The following PLXDC1 variants were observed in gnomAD, a reference collection of about 807,000 sequenced individuals.
The protein encoded by PLXDC1 is plexin domain containing 1.
A neutral mutation model predicts 61.3 loss-of-function variants in PLXDC1; 39 were observed. The observed-to-expected ratio is 0.64, with a 90% CI of 0.49 to 0.83. The LOEUF (loss-of-function observed/expected upper bound fraction) is 0.83. Among genes scored for constraint, PLXDC1 ranks in the 40% least tolerant of loss-of-function variants. The pLI is 0.00. For missense variants in PLXDC1, 596 were observed against 666.5 expected (o/e 0.89, Z 1.17); for synonymous variants, 212 against 254.5 (o/e 0.83, Z 1.59).
intron 2 of PLXDC1, among the ~76,000 whole-genome samples, chr17:39,114,831 G>A (rs923008819): frequency 6.6e-6 from 1 of 152,192 alleles, no homozygotes; most frequent in African/African-American, 2.4e-5. Context: ...TTTGAGGCTC[G>A]GAGAAAGGTC....
At chr17:39,147,090 G>T (rs1489784535) in intron 1 of PLXDC1, among the ~76,000 whole-genome samples, 2 of 151,288 alleles carry the variant, frequency 1.3e-5, no homozygotes, top group African/African-American at 4.9e-5. Flanking sequence ...CAAGTAGCTG[G>T]GATTACAGGC....
chr17:39,063,614 T>C lies in PLXDC1; in HGVS notation c.*4226A>G, dbSNP rs1334108766. 3.1e-6 allele frequency: 2 copies of C among 635,618 alleles called. No homozygotes were observed. The highest frequency in any genetic ancestry group is 2.7e-5 in the Admixed American group (1 of 36,906). 39.4% of individuals were successfully genotyped at this position (635,618 alleles called of 1,614,324 possible). A position where few individuals can be genotyped will look rare whatever the true frequency, so the allele number is the denominator to read the frequency against. ...ACTTTCTTTTGCACACAGCAGGAGT[T>C]GTAAAAGAATGCTTCCTTTTATTAT... On this transcript the variant is annotated 3_prime_UTR_variant, in exon 14 of 14. Transcript: ENST00000315392.
chr17:39,070,105 G>A, intron 12 of PLXDC1, 89 bp from the exon 13 acceptor site: 1 of 959,590 alleles, frequency 1.0e-6, no homozygotes, highest in Non-Finnish European at 1.6e-6. Flanking sequence ...AAGTCTCAGA[G>A]ATGAAAGCCG....
chr17:39,107,469 C>G lies in PLXDC1; in HGVS notation c.649G>C (p.Gly217Arg). ...HVYLQGWEDK[G>R]SFTFQAALHH... ...AGAGCTGCCTGGAAGGTGAAACTGC[C>G]CTTGTCTTCCCAGCCTTGGAGATAA... Residue 217 changes from glycine (G) to arginine (R), a missense_variant, in exon 6 of 14, where the codon GGC (glycine) becomes CGC (arginine). Coordinates refer to ENST00000315392, the MANE Select transcript of PLXDC1 (RefSeq NM_020405.5). 1.2e-6 allele frequency: 2 copies of G among 1,614,090 alleles called. No homozygotes were observed. The highest frequency in any genetic ancestry group is 3.3e-5 in the Admixed American group (2 of 60,018).
chr17:39,128,088 T>TATGTATATATATATATATATATATATA (rs1213213801), intron 2 of PLXDC1, among the ~76,000 whole-genome samples: 1 of 104,674 alleles, frequency 9.6e-6, no homozygotes, highest in South Asian at 3.0e-4. Context: ...TCTCTCTCTC[T>TATGTATATATATATATATATATATATA]CTCTATGTGT....
At chr17:39,088,471 T>C (rs949051378) in intron 7 of PLXDC1, among the ~76,000 whole-genome samples, 13 of 152,166 alleles carry the variant, frequency 8.5e-5, no homozygotes, top group African/African-American at 2.9e-4. Flanking sequence ...GTTTCTTGTC[T>C]GTGGAGTGGA....
intron 7 of PLXDC1, among the ~76,000 whole-genome samples, chr17:39,095,367 G>GCCCCCA (rs1555571240): frequency 0.016 from 122 of 7,526 alleles, 1 homozygote; most frequent in East Asian, 0.019. Context: ...CTTACGCCCC[G>GCCCCCA]CCCCCCCCCC....
Position 39,083,466 on chromosome 17 carries a change from G to A in PLXDC1, c.982C>T (p.Leu328Phe). 2 of 1,613,586 alleles carry A rather than the reference G, an allele frequency of 1.2e-6. No homozygotes were observed. The highest frequency in any genetic ancestry group is 1.1e-5 in the South Asian group (1 of 90,970). ...GTAACCCTGGGCACAAACCTCTGGA[G>A]GACATGGCACCAGCTGCAGTTGAAG... ...LTFNCSWCHV[L>F]QRCSSGFDRY... The change falls in exon 9 of 14, where the codon CTC becomes TTC. Residue 328 changes from leucine (L) to phenylalanine (F), a missense_variant. Leu to Phe is a conservative substitution (Grantham distance 22). Coordinates refer to ENST00000315392, the MANE Select transcript of PLXDC1 (RefSeq NM_020405.5).
intron 1 of PLXDC1, among the ~76,000 whole-genome samples, chr17:39,142,508 C>T (rs531728): frequency 0.084 from 12,823 of 152,186 alleles, 619 homozygotes; most frequent in East Asian, 0.13. Context: ...CTCTCCAGTT[C>T]CCTCTAGGTT....
At chr17:39,140,319 T>TTTCTTTTTTTC (rs1251219256) in intron 1 of PLXDC1, among the ~76,000 whole-genome samples, 2 of 152,220 alleles carry the variant, frequency 1.3e-5, no homozygotes, top group East Asian at 3.9e-4. Flanking sequence ...TCTTTTTCTT[T>TTTCTTTTTTTC]TTTTGAAATG....
intron 1 of PLXDC1, among the ~76,000 whole-genome samples, chr17:39,141,327 G>T (rs899624476): frequency 6.6e-6 from 1 of 152,148 alleles, no homozygotes; most frequent in Admixed American, 6.5e-5. Flanking sequence ...GCCACAGCGC[G>T]CAGCCTGTAT....
intron 11 of PLXDC1, chr17:39,073,108 G>A (rs1346053028): frequency 6.5e-6 from 1 of 154,230 alleles, no homozygotes. Context: ...GAGTGCAGTG[G>A]TACAATCACA....
chr17:39,074,099 C>T (rs1909231763), intron 11 of PLXDC1, among the ~76,000 whole-genome samples: 1 of 152,164 alleles, frequency 6.6e-6, no homozygotes, highest in African/African-American at 2.4e-5. Flanking sequence ...CTATCCCACA[C>T]CTGCCTCTGC....
chr17:39,103,193 C>T (rs11651249), intron 7 of PLXDC1, among the ~76,000 whole-genome samples: 2 of 148,640 alleles, frequency 1.3e-5, no homozygotes, highest in African/African-American at 5.0e-5. Flanking sequence ...CCAGCCTGGG[C>T]GACACAGCGA....
chr17:39,063,565 G>A lies in PLXDC1; in HGVS notation c.*4275C>T, dbSNP rs748045728. 4.3e-6 allele frequency: 3 copies of A among 693,670 alleles called. No individual in the cohort carries two copies. The highest frequency in any genetic ancestry group is 2.7e-5 in the East Asian group (1 of 37,208). The allele number at this position is 693,670 out of a possible 1,614,324, so 43.0% of individuals were successfully genotyped here. Reference sequence around the variant, plus strand: ...AACCAAGGTATGTGTGGTGATCTTCGGAATGCCACTCCAAATCCTTTGCAC... The same window carrying A: ...AACCAAGGTATGTGTGGTGATCTTCAGAATGCCACTCCAAATCCTTTGCAC... On this transcript the variant is annotated 3_prime_UTR_variant, in exon 14 of 14. Coordinates refer to ENST00000315392, the MANE Select transcript of PLXDC1 (RefSeq NM_020405.5).
At chr17:39,072,551 C>A in intron 11 of PLXDC1, 66 bp from the exon 12 acceptor site, 1 of 1,025,134 alleles carries the variant, frequency 9.8e-7, no homozygotes, top group South Asian at 1.4e-5. Context: ...CACTCTGAGT[C>A]CAGATGGGAT....
intron 4 of PLXDC1, chr17:39,108,698 G>A: frequency 1.7e-6 from 1 of 593,478 alleles, no homozygotes; most frequent in Admixed American, 2.8e-5. Context: ...ACACACACGT[G>A]CAGGCACATG....
rs138288876 is a variant in PLXDC1, at chr17:39,148,623, C to T, written c.76+2739G>A. On this transcript the variant is annotated intron_variant, in intron 1 of 13. Coordinates refer to ENST00000315392, the MANE Select transcript of PLXDC1 (RefSeq NM_020405.5). ...CTAATTTTTGTATATTTAGTAGAGACGGGGTTTCACCATGTTAGCCAGGCT... is the reference window on the plus strand; with the variant it reads ...CTAATTTTTGTATATTTAGTAGAGATGGGGTTTCACCATGTTAGCCAGGCT... Among the ~76,000 whole-genome samples, 887 of 152,124 alleles carry T rather than the reference C, an allele frequency of 5.8e-3. 12 individuals carry two copies. The highest frequency in any genetic ancestry group is 0.02 in the African/African-American group (812 of 41,486).
At chr17:39,100,165 A>G (rs1409410509) in intron 7 of PLXDC1, among the ~76,000 whole-genome samples, 1 of 152,082 alleles carries the variant, frequency 6.6e-6, no homozygotes, top group African/African-American at 2.4e-5. Context: ...ACCACATGAA[A>G]GCTCTGAAGC....
Sources: allele counts gnomAD v4.1 joint callset (sites outside exome capture counted in the v4.1 genomes callset), GRCh38; gene constraint gnomAD v4.1.1; transcripts MANE v1.5; gene names NCBI Gene and HGNC (gene_info 2026-07-23, HGNC 2026-07-21).